Variants in GAK observed in about 807,000 individuals in gnomAD.
GAK encodes the protein cyclin-G-associated kinase.
GAK carries 79 observed loss-of-function variants against 143.9 expected under a neutral mutation model. The observed-to-expected ratio is 0.55, with a 90% CI of 0.46 to 0.66. GAK has a LOEUF of 0.66. Among genes scored for constraint, GAK ranks in the 30% least tolerant of loss-of-function variants. GAK has a pLI of 0.00. For synonymous variants in GAK, 881 were observed against 765.5 expected (o/e 1.15, Z -2.49); for missense variants, 1,693 against 1,779.7 (o/e 0.95, Z 0.88).
intron 13 of GAK, 71 bp from the exon 14 acceptor site, chr4:882,890 C>T: frequency 6.4e-7 from 1 of 1,574,158 alleles, no homozygotes; most frequent in Non-Finnish European, 8.6e-7. Flanking sequence ...CTAGGAGGGA[C>T]AGCCTGCCTG....
intron 16 of GAK, 100 bp from the exon 17 acceptor site, chr4:877,307 T>C (rs970651973): frequency 4.8e-6 from 4 of 835,360 alleles, no homozygotes; most frequent in Non-Finnish European, 8.1e-6. Flanking sequence ...TTAGCTAAAA[T>C]GTGTAATAAC....
chr4:866,691 G>A (rs1751247484), intron 21 of GAK, among the ~76,000 whole-genome samples, 157 bp from the exon 22 acceptor site: 1 of 152,190 alleles, frequency 6.6e-6, no homozygotes. Context: ...CAGCCCAGGG[G>A]CTCCCCGTGC....
chr4:907,994 C>G (rs760602043), intron 4 of GAK, among the ~76,000 whole-genome samples: 1 of 152,250 alleles, frequency 6.6e-6, no homozygotes, highest in Admixed American at 6.5e-5. Flanking sequence ...GCCCTGTCCC[C>G]GCCGCTCCCT....
At chr4:875,207 G>A (rs920837512) in intron 18 of GAK, among the ~76,000 whole-genome samples, 4 of 152,096 alleles carry the variant, frequency 2.6e-5, no homozygotes, top group African/African-American at 7.2e-5. Flanking sequence ...TTTAAGCACC[G>A]CCTCCACCGT....
In GAK at chr4:859,659, G is replaced by T; in HGVS notation, c.3230C>A (p.Ser1077Tyr). Residue 1077 changes from serine to tyrosine, a missense_variant, in exon 24 of 28, where the codon TCT (serine) becomes TAT (tyrosine). Ser to Tyr is a moderately radical substitution (Grantham distance 144). This residue lies in a region of GAK where 822 missense variants were observed against 788.7 expected (regional missense o/e 1.04). Transcript: ENST00000314167. ...GTCAGCAAATGGGTCCGGGTTCTGA[G>T]ACTTGGTCCAGCTGGCCTGAGAGCC... ...PCGSQASWTK[S>Y]QNPDPFADLG... 1.2e-6 allele frequency: 2 copies of T among 1,604,026 alleles called. No homozygotes were observed. The highest frequency in any genetic ancestry group is 1.7e-6 in the Non-Finnish European group (2 of 1,171,674).
intron 10 of GAK, among the ~76,000 whole-genome samples, chr4:889,894 C>T (rs1476849819): frequency 1.3e-5 from 2 of 152,244 alleles, no homozygotes; most frequent in African/African-American, 2.4e-5. Flanking sequence ...CCTCCAGGGA[C>T]ACCCAGGCCC....
rs1751235126 is a variant in GAK, at chr4:866,638, A to G, written c.2873-104T>C. Reference sequence around the variant, plus strand: ...GCCCAAGAGGCCACTCCAGCTGGGCAGCCCAGACCCCACGGCTGCCCTCGC... The same window carrying G: ...GCCCAAGAGGCCACTCCAGCTGGGCGGCCCAGACCCCACGGCTGCCCTCGC... On this transcript the variant is annotated intron_variant, in intron 21 of 27. Coordinates refer to ENST00000314167, the MANE Select transcript of GAK (RefSeq NM_005255.4). The G allele has an allele frequency of 2.3e-6, 3 of 1,283,516 alleles. No homozygotes were observed. In the Admixed American group the frequency reaches 7.5e-5, roughly 32 times the overall value. The allele number at this position is 1,283,516 out of a possible 1,614,324, so 79.5% of individuals were successfully genotyped here. A position where few individuals can be genotyped will look rare whatever the true frequency, so the allele number is the denominator to read the frequency against.
chr4:927,343 A>G (rs78788886), intron 1 of GAK, among the ~76,000 whole-genome samples: 2 of 418 alleles, frequency 4.8e-3, no homozygotes, highest in South Asian at 0.5. Flanking sequence ...GCTCACCTGC[A>G]GTCCGCACTG....
rs368035537 is a variant in GAK, at chr4:850,920, C to G, written c.3657+16G>C. ...GAGGCCTCTGGGCTCCCAGGAAGAG[C>G]TGCCCACCCACCCACCTTCAGCTTG... On this transcript the variant is annotated intron_variant, in intron 26 of 27. Coordinates refer to ENST00000314167, the MANE Select transcript of GAK (RefSeq NM_005255.4). 97 of 1,607,950 alleles carry G rather than the reference C, an allele frequency of 6.0e-5. 1 individual carries two copies. The East Asian group carries it at 9.9e-4, about 16-fold the overall frequency.
intron 5 of GAK, among the ~76,000 whole-genome samples, chr4:901,037 A>G (rs1719770732): frequency 6.6e-6 from 1 of 152,236 alleles, no homozygotes; most frequent in Non-Finnish European, 1.5e-5. Flanking sequence ...GACAAACGAA[A>G]AAGGCCACAC....
Position 932,249 on chromosome 4 carries a change from C to A in GAK, c.-62G>T. 3 of 1,464,058 alleles carry A rather than the reference C, an allele frequency of 2.0e-6. No homozygotes were observed. Among genetic ancestry groups the A allele is most frequent in the Non-Finnish European group, 2.7e-6 (3 of 1,114,020 alleles). The allele number at this position is 1,464,058 out of a possible 1,614,324, so 90.7% of individuals were successfully genotyped here. On this transcript the variant is annotated 5_prime_UTR_variant, in exon 1 of 28. Coordinates refer to ENST00000314167, the MANE Select transcript of GAK (RefSeq NM_005255.4). This position sits in a 1 kb window ranked among gnomAD's most constrained non-coding sequence, Gnocchi z 4.0. ...GGTCGGGCTCGGGCTCCCGCTCCCT[C>A]GCCGTCCGGGTCAGCTCAGCAACCG...
intron 24 of GAK, among the ~76,000 whole-genome samples, chr4:857,815 T>TC (rs975090944): frequency 3.3e-5 from 5 of 151,998 alleles, no homozygotes; most frequent in Non-Finnish European, 7.4e-5. Flanking sequence ...TCCCTTTTTT[T>TC]CCCCCCAAAT....
At chr4:852,250 C>A in intron 24 of GAK, 1 of 541,906 alleles carries the variant, frequency 1.8e-6, no homozygotes, top group Non-Finnish European at 3.3e-6. Flanking sequence ...CCCCCAGGAG[C>A]CAAGGCAGAC....
At chr4:910,854 A>G (rs1008126839) in intron 4 of GAK, among the ~76,000 whole-genome samples, 1 of 152,140 alleles carries the variant, frequency 6.6e-6, no homozygotes, top group Non-Finnish European at 1.5e-5. Flanking sequence ...CACCTGGCAC[A>G]GGAGTTCTGG....
rs551384601 is a variant in GAK, at chr4:911,292, C to T, written c.382+381G>A. Among the ~76,000 whole-genome samples the T allele has an allele frequency of 4.6e-5, 7 of 152,280 alleles. No homozygotes were observed. The South Asian group carries it at 1.2e-3, about 27-fold the overall frequency. On this transcript the variant is annotated intron_variant, in intron 4 of 27. Transcript: ENST00000314167. ...ACACCGCTCATGGAAGGCCACCACG[C>T]TCCACCCCACAGGGACCCCAGAGCC...
At chr4:864,389 A>G (rs892188351) in intron 23 of GAK, among the ~76,000 whole-genome samples, 1 of 152,126 alleles carries the variant, frequency 6.6e-6, no homozygotes, top group Non-Finnish European at 1.5e-5. Context: ...AAAACCCCAC[A>G]CAAAAAACCC....
At chr4:898,892 G>A (rs1719327345) in intron 5 of GAK, among the ~76,000 whole-genome samples, 1 of 151,990 alleles carries the variant, frequency 6.6e-6, no homozygotes, top group East Asian at 1.9e-4. Flanking sequence ...GAGACACAAA[G>A]AACTAGAAAG....
At position 920,539 on chromosome 4, in the gene GAK, A is replaced by AATT. The variant is rs766096942; in HGVS notation, c.146-6872_146-6871insAAT. Among the ~76,000 whole-genome samples, 45 of 129,584 alleles carry AATT rather than the reference A, an allele frequency of 3.5e-4. 2 individuals are homozygous for AATT. The highest frequency in any genetic ancestry group is 1.1e-3 in the African/African-American group (38 of 33,278). 85.0% of individuals were successfully genotyped at this position (129,584 alleles called of 152,430 possible). ...AAAATTGTGAAAAAGGTTTAGAGCCATTTTTTTTTTTTTTTTTTTTTTGAG... is the reference window on the plus strand; with the variant it reads ...AAAATTGTGAAAAAGGTTTAGAGCCAATTTTTTTTTTTTTTTTTTTTTTTTGAG... On this transcript the variant is annotated intron_variant, in intron 1 of 27. Transcript: ENST00000314167.
rs1393143565 is a variant in GAK, at chr4:897,961, C to T, written c.651+72G>A. Reference sequence around the variant, plus strand: ...AGACTCAAAGCACCCCGGCGGAAAACAGCACTCCGCACTCAGGGCGTGGAA... The same window carrying T: ...AGACTCAAAGCACCCCGGCGGAAAATAGCACTCCGCACTCAGGGCGTGGAA... On this transcript the variant is annotated intron_variant, in intron 6 of 27. Coordinates refer to ENST00000314167, the MANE Select transcript of GAK (RefSeq NM_005255.4). The T allele has an allele frequency of 2.5e-5, 38 of 1,500,566 alleles. 1 individual carries two copies. Among genetic ancestry groups the T allele is most frequent in the Non-Finnish European group, 3.3e-5 (37 of 1,115,890 alleles). 93.0% of individuals were successfully genotyped at this position (1,500,566 alleles called of 1,614,324 possible).
Sources: gnomAD v4.1 joint callset for allele counts (sites outside exome capture counted in the v4.1 genomes callset) on GRCh38, gnomAD v4.1.1 for gene constraint, gnomAD v4.1.1 regional missense constraint, Gnocchi (gnomAD v3.1) non-coding constraint, MANE v1.5 for transcripts, NCBI Gene and HGNC (gene_info 2026-07-23, HGNC 2026-07-21) for gene names.